The following S100A13 variants were observed in gnomAD, a reference collection of about 807,000 sequenced individuals.
S100A13 encodes protein S100-A13.
Under a neutral mutation model 8.2 loss-of-function variants are expected in S100A13, and 6 were observed. The observed-to-expected ratio is 0.73, with a 90% CI of 0.40 to 1.44. S100A13 has a LOEUF of 1.44. Among genes scored for constraint, S100A13 ranks in the 40% most tolerant of loss-of-function variants. The pLI, the probability that S100A13 is intolerant of heterozygous loss-of-function variation, is 0.02. For missense variants in S100A13, 114 were observed against 113.6 expected (o/e 1.00, Z -0.02); for synonymous variants, 39 against 45.9 (o/e 0.85, Z 0.61).
chr1:153,622,698 A>G (rs1220940205), intron 2 of S100A13, among the ~76,000 whole-genome samples: 2 of 152,240 alleles, frequency 1.3e-5, no homozygotes, highest in African/African-American at 2.4e-5. Flanking sequence ...GAAGTGAGGA[A>G]TGGGGACTGT....
At chr1:153,632,266 C>CTTTTTTTTTTTTTTTT (rs397863604), upstream of S100A13, 1 of 91,818 alleles carries the variant, frequency 1.1e-5, no homozygotes, top group Admixed American at 1.5e-4. Flanking sequence ...AAGAAATAAT[C>CTTTTTTTTTTTTTTTT]TTTTTTTTTT....
upstream of S100A13, chr1:153,630,553 C>G: frequency 6.2e-7 from 1 of 1,614,228 alleles, no homozygotes; most frequent in Non-Finnish European, 8.5e-7. Flanking sequence ...GCGATGGAGA[C>G]CCTCATCAAC....
At chr1:153,620,572 T>C (rs115426694) in intron 2 of S100A13, among the ~76,000 whole-genome samples, 3,375 of 150,776 alleles carry the variant, frequency 0.022, 122 homozygotes, top group African/African-American at 0.07. Flanking sequence ...GAACCAAAAA[T>C]ATTTGAAGAA....
At chr1:153,629,427 CT>C (rs766602884), upstream of S100A13, 7 of 152,254 alleles carry the variant, frequency 4.6e-5, no homozygotes, top group Non-Finnish European at 5.9e-5. Flanking sequence ...GTCCAGCCCC[CT>C]AGGCCTGGGG....
upstream of S100A13, chr1:153,630,996 TGA>T (rs1667981408): frequency 2.7e-6 from 1 of 375,208 alleles, no homozygotes; most frequent in South Asian, 4.9e-5. Flanking sequence ...GAAAGGGTTA[TGA>T]GAGATTATTA....
At chr1:153,631,275 T>C (rs1198106907), upstream of S100A13, 1 of 619,538 alleles carries the variant, frequency 1.6e-6, no homozygotes, top group South Asian at 2.1e-5. Flanking sequence ...TGAGGTTTTA[T>C]TGGACTGGGT....
upstream of S100A13, chr1:153,627,898 C>A: frequency 1.2e-6 from 1 of 838,228 alleles, no homozygotes; most frequent in Non-Finnish European, 1.8e-6. Flanking sequence ...GGAATGAGAT[C>A]CCACAAAGGA....
chr1:153,631,727 G>A (rs369899959), upstream of S100A13: 5 of 1,614,100 alleles, frequency 3.1e-6, no homozygotes, highest in African/African-American at 4.0e-5. Context: ...CTGTGGACAA[G>A]GTGATGAAGG....
At position 153,626,771 on chromosome 1, in the gene S100A13, C is replaced by T. The variant is rs572126666; in HGVS notation, c.-61-238G>A. Reference sequence around the variant, plus strand: ...CCCCTCTTCTGTAGGTCTCACAATCCGGGATCCTTTTTAAATGTCTGTGGC... The same window carrying T: ...CCCCTCTTCTGTAGGTCTCACAATCTGGGATCCTTTTTAAATGTCTGTGGC... On this transcript the variant is annotated intron_variant, in intron 1 of 2. Transcript: ENST00000476133. The T allele has an allele frequency of 2.9e-4, 89 of 303,496 alleles. 1 individual carries two copies. Among genetic ancestry groups the T allele is most frequent in the African/African-American group, 1.3e-3 (63 of 48,266 alleles). The allele number at this position is 303,496 out of a possible 1,614,324, so 18.8% of individuals were successfully genotyped here. A position where few individuals can be genotyped will look rare whatever the true frequency, so the allele number is the denominator to read the frequency against.
upstream of S100A13, chr1:153,631,666 T>C (rs1226970932): frequency 6.2e-7 from 1 of 1,613,846 alleles, no homozygotes; most frequent in Admixed American, 1.7e-5. Flanking sequence ...CCCTTCCCTA[T>C]ACACCTCCCT....
chr1:153,631,919 C>T, upstream of S100A13: 2 of 1,549,538 alleles, frequency 1.3e-6, no homozygotes, highest in Non-Finnish European at 8.7e-7. Flanking sequence ...CACCTCACCC[C>T]ACTTATCCCT....
chr1:153,630,179 C>T (rs1312102030), upstream of S100A13: 2 of 426,072 alleles, frequency 4.7e-6, no homozygotes, highest in Admixed American at 8.2e-5. Context: ...GCCTGCCCCA[C>T]CCTCCTCAAT....
upstream of S100A13, chr1:153,630,676 G>A (rs1472539574): frequency 6.2e-7 from 1 of 1,613,580 alleles, no homozygotes; most frequent in East Asian, 2.2e-5. Context: ...AGCATAGAGT[G>A]GTGGAGTGGG....
At chr1:153,624,338 G>A (rs774168572) in intron 2 of S100A13, among the ~76,000 whole-genome samples, 2 of 152,172 alleles carry the variant, frequency 1.3e-5, no homozygotes, top group Non-Finnish European at 2.9e-5. Context: ...TGAAGCCACT[G>A]AGAATAACAA....
intron 2 of S100A13, 26 bp downstream of exon 2, chr1:153,626,294 A>G: frequency 1.2e-6 from 2 of 1,609,924 alleles, no homozygotes; most frequent in Non-Finnish European, 1.7e-6. Context: ...CATCTCACAA[A>G]ATCTCAGTCC....
intron 1 of S100A13, 109 bp from the exon 2 acceptor site, chr1:153,626,642 G>T: frequency 1.7e-6 from 1 of 590,988 alleles, no homozygotes; most frequent in Non-Finnish European, 2.9e-6. Context: ...AGCCTGGAGG[G>T]GGCATATGGG....
intron 2 of S100A13, among the ~76,000 whole-genome samples, chr1:153,621,159 A>ATT (rs59588947): frequency 0.024 from 3,479 of 142,658 alleles, 131 homozygotes; most frequent in African/African-American, 0.083. Context: ...TATCTACAGG[A>ATT]TTTTTTTTTT....
upstream of S100A13, chr1:153,630,640 C>T (rs367888712): frequency 3.5e-5 from 57 of 1,614,068 alleles, no homozygotes; most frequent in African/African-American, 1.3e-4. Flanking sequence ...CTGCTGCAGA[C>T]GGAGCTCTCT....
At chr1:153,626,574 C>G (rs1667649838) in intron 1 of S100A13, 41 bp from the exon 2 acceptor site, 1 of 1,219,438 alleles carries the variant, frequency 8.2e-7, no homozygotes, top group South Asian at 1.3e-5. Flanking sequence ...AGTCAGGGAG[C>G]CCCAAGATGC....
Sources: gnomAD v4.1 joint callset for allele counts (sites outside exome capture counted in the v4.1 genomes callset) on GRCh38, gnomAD v4.1.1 for gene constraint, MANE v1.5 for transcripts, NCBI Gene and HGNC (gene_info 2026-07-23, HGNC 2026-07-21) for gene names.